The following EVL variants were observed in gnomAD, a reference collection of about 807,000 sequenced individuals.
The protein encoded by EVL is Enah/Vasp-like.
A neutral mutation model predicts 59.6 loss-of-function variants in EVL; 21 were observed. The ratio of observed to expected loss-of-function variants is 0.35; its 90% CI spans 0.25 to 0.51. The LOEUF is 0.51. Among genes scored for constraint, EVL ranks in the 20% least tolerant of loss-of-function variants. The pLI is 0.97. For missense variants in EVL, 462 were observed against 546.6 expected, an observed-to-expected ratio of 0.85 and a Z score of 1.54; for synonymous variants, 198 against 203.5, an observed-to-expected ratio of 0.97 and a Z score of 0.23.
chr14:100,112,639 G>A (rs572155666), intron 3 of EVL, among the ~76,000 whole-genome samples: 1 of 152,264 alleles, frequency 6.6e-6, no homozygotes, highest in East Asian at 1.9e-4. Context: ...CTACACCCAA[G>A]GCCCCTTGTG....
At chr14:100,081,486 A>G (rs2062303166) in intron 1 of EVL, among the ~76,000 whole-genome samples, 1 of 148,786 alleles carries the variant, frequency 6.7e-6, no homozygotes, top group Non-Finnish European at 1.5e-5. Context: ...CCACAAGTTT[A>G]ATTTGAACCT....
At chr14:99,976,731 G>T (rs1194960517) in intron 1 of EVL, among the ~76,000 whole-genome samples, 2 of 152,164 alleles carry the variant, frequency 1.3e-5, no homozygotes, top group African/African-American at 4.8e-5. Flanking sequence ...CTGAGCTGCA[G>T]TTCTTGTGAA....
chr14:99,973,307 T>G (rs571546134), intron 1 of EVL, among the ~76,000 whole-genome samples: 1 of 152,368 alleles, frequency 6.6e-6, no homozygotes, highest in East Asian at 1.9e-4. Flanking sequence ...TTGTCAGTCT[T>G]AAATTTTAAC....
intron 1 of EVL, among the ~76,000 whole-genome samples, chr14:99,973,414 T>C (rs2060748460): frequency 6.6e-6 from 1 of 152,230 alleles, no homozygotes; most frequent in Admixed American, 6.5e-5. Flanking sequence ...TTATTTGGTA[T>C]AGTTTTCTGG....
At chr14:100,061,485 A>G (rs1370063926), upstream of EVL, among the ~76,000 whole-genome samples, 1 of 145,626 alleles carries the variant, frequency 6.9e-6, no homozygotes, top group Non-Finnish European at 1.5e-5. Flanking sequence ...AAAAAAAGAT[A>G]CCAGGAAATT....
At chr14:100,083,669 G>A (rs2062364980) in intron 1 of EVL, among the ~76,000 whole-genome samples, 1 of 152,144 alleles carries the variant, frequency 6.6e-6, no homozygotes, top group Admixed American at 6.5e-5. Flanking sequence ...GAACAAATGA[G>A]GTTGCTTTAC....
chr14:100,058,875 A>C (rs1209697769), intron 1 of EVL, among the ~76,000 whole-genome samples: 1 of 152,200 alleles, frequency 6.6e-6, no homozygotes, highest in Non-Finnish European at 1.5e-5. Context: ...TTATCTACGT[A>C]CGTGTAATTG....
chr14:100,086,166 A>G (rs2062439176), intron 2 of EVL, among the ~76,000 whole-genome samples: 3 of 152,194 alleles, frequency 2.0e-5, no homozygotes, highest in African/African-American at 7.2e-5. Flanking sequence ...GTACCTCCAA[A>G]AGCATCCCTT....
At chr14:100,102,371 C>A (rs1237069828) in intron 3 of EVL, 7 of 456,048 alleles carry the variant, frequency 1.5e-5, no homozygotes, top group Non-Finnish European at 2.6e-5. Flanking sequence ...GGCAGCCTAA[C>A]GTCATGTGGT....
intron 1 of EVL, among the ~76,000 whole-genome samples, chr14:100,018,564 T>C (rs1271035115): frequency 6.6e-6 from 1 of 152,162 alleles, no homozygotes; most frequent in African/African-American, 2.4e-5. Flanking sequence ...CAGAGCAATT[T>C]TCCTAAGGCC....
intron 2 of EVL, among the ~76,000 whole-genome samples, chr14:100,089,703 C>T (rs2062522609): frequency 6.6e-6 from 1 of 152,206 alleles, no homozygotes; most frequent in South Asian, 2.1e-4. Flanking sequence ...GGAGGACCAC[C>T]TGGGGCCAGG....
rs558918782 is a variant in EVL at position 100,054,374 on chromosome 14, G to A, written c.6-30313G>A. On this transcript the variant is annotated intron_variant, in intron 1 of 13. Transcript: ENST00000402714. ...GGCTGACGTTTTGACATCTTTACGC[G>A]GCCATGTTGGCTGGGGAAGAGACTG... Among the ~76,000 whole-genome samples the A allele has an allele frequency of 3.9e-4, 60 of 152,170 alleles. No individual in the cohort carries two copies. The South Asian group carries it at 0.011, about 28-fold the overall frequency.
chr14:100,046,945 G>T (rs1397305693), intron 1 of EVL, among the ~76,000 whole-genome samples: 1 of 150,700 alleles, frequency 6.6e-6, no homozygotes, highest in East Asian at 2.0e-4. Flanking sequence ...AGTAGAGATG[G>T]GGTTTCACCA....
chr14:100,038,771 G>GGTGTGTGTGTGTGTGTGTGT (rs61309441), intron 1 of EVL, among the ~76,000 whole-genome samples: 1,914 of 140,976 alleles, frequency 0.014, 27 homozygotes, highest in Non-Finnish European at 0.018. Flanking sequence ...TGTGCCCTGG[G>GGTGTGTGTGTGTGTGTGTGT]GTGTGTGTGT....
At chr14:100,141,348 G>A in intron 12 of EVL, 102 bp downstream of exon 12, 3 of 1,324,142 alleles carry the variant, frequency 2.3e-6, no homozygotes, top group South Asian at 1.3e-5. Flanking sequence ...GGGCCCACAT[G>A]TAGCTGCCAA....
At chr14:100,136,206 C>T (rs1019661515) in intron 9 of EVL, among the ~76,000 whole-genome samples, 3 of 152,232 alleles carry the variant, frequency 2.0e-5, no homozygotes, top group Non-Finnish European at 4.4e-5. Flanking sequence ...CTGCGTGTCA[C>T]CTTCCCACCA....
chr14:100,112,627 C>A (rs1217059165), intron 3 of EVL, among the ~76,000 whole-genome samples: 1 of 152,174 alleles, frequency 6.6e-6, no homozygotes, highest in Non-Finnish European at 1.5e-5. Flanking sequence ...AAGTCAGGGC[C>A]TCTACACCCA....
intron 1 of EVL, among the ~76,000 whole-genome samples, chr14:100,043,947 A>G (rs951913061): frequency 2.6e-5 from 4 of 152,056 alleles, no homozygotes; most frequent in Non-Finnish European, 5.9e-5. Context: ...AGGACTTATT[A>G]GAGGTATTGA....
intron 1 of EVL, among the ~76,000 whole-genome samples, chr14:99,990,015 C>A (rs768359712): frequency 6.6e-6 from 1 of 152,154 alleles, no homozygotes; most frequent in Non-Finnish European, 1.5e-5. Context: ...CAAAACAACA[C>A]CCAAGAATTA....
Sources: gnomAD v4.1 joint callset for allele counts (sites outside exome capture counted in the v4.1 genomes callset) on GRCh38, gnomAD v4.1.1 for gene constraint, MANE v1.5 for transcripts, NCBI Gene and HGNC (gene_info 2026-07-23, HGNC 2026-07-21) for gene names.